The following CNBD1 variants were observed in gnomAD, a reference collection of about 807,000 sequenced individuals.
CNBD1 encodes the protein cyclic nucleotide binding domain containing 1.
In CNBD1, 71 loss-of-function variants were observed where a neutral mutation model predicts 54.4. The observed-to-expected ratio is 1.30, with a 90% CI of 1.08 to 1.59. The LOEUF (loss-of-function observed/expected upper bound fraction) is 1.59. Among genes scored for constraint, CNBD1 ranks in the 40% most tolerant of loss-of-function variants. The probability of loss-of-function intolerance (pLI) is 0.00; values close to 1 mark genes in which losing one functional copy is unlikely to be tolerated. For synonymous variants in CNBD1, 182 were observed against 170.7 expected (o/e 1.07, Z -0.51); for missense variants, 659 against 518.0 (o/e 1.27, Z -2.64).
intron 2 of CNBD1, among the ~76,000 whole-genome samples, chr8:87,394,613 C>G (rs952156632): frequency 6.6e-6 from 1 of 151,822 alleles, no homozygotes; most frequent in Non-Finnish European, 1.5e-5. Context: ...AAACATCTAC[C>G]CTTCTTCATA....
intron 10 of CNBD1, among the ~76,000 whole-genome samples, chr8:87,376,333 A>C (rs1009136653): frequency 6.6e-6 from 1 of 151,852 alleles, no homozygotes; most frequent in Non-Finnish European, 1.5e-5. Flanking sequence ...ATGGCTGAGA[A>C]TAGAGAGCAA....
chr8:86,978,448 C>T (rs1236282582), intron 4 of CNBD1, among the ~76,000 whole-genome samples: 1 of 150,422 alleles, frequency 6.6e-6, no homozygotes, highest in Non-Finnish European at 1.5e-5. Flanking sequence ...TTGACCACAG[C>T]TTTTATGTGA....
chr8:87,220,482 C>T (rs998630141), intron 5 of CNBD1, among the ~76,000 whole-genome samples: 1 of 151,024 alleles, frequency 6.6e-6, no homozygotes, highest in Non-Finnish European at 1.5e-5. Flanking sequence ...CTCCTGGAAC[C>T]TCCCCTAACT....
chr8:87,059,311 T>A (rs1810493776), intron 4 of CNBD1, among the ~76,000 whole-genome samples: 1 of 152,226 alleles, frequency 6.6e-6, no homozygotes, highest in Non-Finnish European at 1.5e-5. Context: ...TGTTTTCTTC[T>A]GAGCCCTCTA....
chr8:86,978,557 T>C (rs1808396696), intron 4 of CNBD1, among the ~76,000 whole-genome samples: 1 of 129,612 alleles, frequency 7.7e-6, no homozygotes, highest in Non-Finnish European at 1.6e-5. Flanking sequence ...TTTTTTTTTT[T>C]TTGAGGCGAA....
At chr8:86,951,867 C>G (rs1449343829) in intron 4 of CNBD1, among the ~76,000 whole-genome samples, 1 of 151,922 alleles carries the variant, frequency 6.6e-6, no homozygotes, top group Non-Finnish European at 1.5e-5. Context: ...CTGGGAAGTA[C>G]TTAGGGCAAA....
At chr8:87,423,946 A>G (rs1021740148) in intron 2 of CNBD1, among the ~76,000 whole-genome samples, 1 of 152,178 alleles carries the variant, frequency 6.6e-6, no homozygotes, top group African/African-American at 2.4e-5. Flanking sequence ...TATTGCCACA[A>G]TTTCAGCTCC....
At position 86,867,431 on chromosome 8, in the gene CNBD1, T is replaced by G. The variant is rs78754238; in HGVS notation, c.88+848T>G. On this transcript the variant is annotated intron_variant, in intron 1 of 10. Coordinates refer to ENST00000518476, the MANE Select transcript of CNBD1 (RefSeq NM_173538.3). Reference sequence around the variant, plus strand: ...AGCTAAGCCATCCATCCTTTTCCCTTCCTGTGAAAGTTAATTTCTCCAAAT... The same window carrying G: ...AGCTAAGCCATCCATCCTTTTCCCTGCCTGTGAAAGTTAATTTCTCCAAAT... Among the ~76,000 whole-genome samples the G allele has an allele frequency of 2.8e-3, 428 of 152,294 alleles. 8 individuals carry two copies. The East Asian group carries it at 0.074, about 26-fold the overall frequency.
At chr8:86,986,687 G>A (rs1353112540) in intron 4 of CNBD1, among the ~76,000 whole-genome samples, 1 of 152,102 alleles carries the variant, frequency 6.6e-6, no homozygotes, top group Admixed American at 6.5e-5. Flanking sequence ...GTTTATTTTT[G>A]TATATGATGA....
At chr8:87,427,406 T>G (rs955699878) in intron 2 of CNBD1, among the ~76,000 whole-genome samples, 1 of 152,168 alleles carries the variant, frequency 6.6e-6, no homozygotes, top group Non-Finnish European at 1.5e-5. Context: ...GTAGGCTGTA[T>G]AAGATGGGCT....
At chr8:87,246,859 T>C (rs1417035913) in intron 6 of CNBD1, among the ~76,000 whole-genome samples, 1 of 152,102 alleles carries the variant, frequency 6.6e-6, no homozygotes, top group Non-Finnish European at 1.5e-5. Context: ...TCTATTATTA[T>C]TATATTGTAA....
chr8:87,278,190 G>A (rs1808522890), intron 6 of CNBD1, among the ~76,000 whole-genome samples: 1 of 151,404 alleles, frequency 6.6e-6, no homozygotes, highest in African/African-American at 2.4e-5. Flanking sequence ...TTAGATATGA[G>A]AAATGAAAAA....
chr8:87,095,640 G>A (rs1811301391), intron 4 of CNBD1, among the ~76,000 whole-genome samples: 1 of 152,150 alleles, frequency 6.6e-6, no homozygotes, highest in Admixed American at 6.6e-5. Flanking sequence ...GCATCTGAAT[G>A]ACCATATATA....
At chr8:87,077,395 C>T (rs1810894087) in intron 4 of CNBD1, among the ~76,000 whole-genome samples, 1 of 147,162 alleles carries the variant, frequency 6.8e-6, no homozygotes, top group Non-Finnish European at 1.5e-5. Flanking sequence ...GCTCTTAGGC[C>T]TCTTCTTCTT....
intron 8 of CNBD1, among the ~76,000 whole-genome samples, chr8:87,336,797 G>GT (rs994099502): frequency 1.2e-4 from 18 of 152,054 alleles, no homozygotes; most frequent in African/African-American, 4.3e-4. Flanking sequence ...GATTTTCAGT[G>GT]TTTTTTCATT....
At chr8:86,899,924 T>C (rs554945203) in intron 2 of CNBD1, among the ~76,000 whole-genome samples, 1 of 152,232 alleles carries the variant, frequency 6.6e-6, no homozygotes, top group South Asian at 2.1e-4. Flanking sequence ...CTCCCACCCA[T>C]GCTCCTTCGT....
intron 4 of CNBD1, among the ~76,000 whole-genome samples, chr8:87,031,835 G>A (rs532601972): frequency 2.0e-5 from 3 of 152,252 alleles, no homozygotes; most frequent in Admixed American, 6.5e-5. Flanking sequence ...CCACCCCCCA[G>A]GTTCAAGCCA....
chr8:87,281,705 C>A (rs1684527653), intron 6 of CNBD1, among the ~76,000 whole-genome samples: 1 of 149,674 alleles, frequency 6.7e-6, no homozygotes, highest in African/African-American at 2.4e-5. Flanking sequence ...CTGGGTAAGA[C>A]ACTGCATACA....
intron 2 of CNBD1, among the ~76,000 whole-genome samples, chr8:86,900,499 T>A (rs1393054698): frequency 6.6e-6 from 1 of 152,216 alleles, no homozygotes; most frequent in Non-Finnish European, 1.5e-5. Flanking sequence ...GCCCTGTGAT[T>A]TTAATAAAAT....
Sources: gnomAD v4.1 joint callset for allele counts (sites outside exome capture counted in the v4.1 genomes callset) on GRCh38, gnomAD v4.1.1 for gene constraint, MANE v1.5 for transcripts, NCBI Gene and HGNC (gene_info 2026-07-23, HGNC 2026-07-21) for gene names.